The following TMEM132C variants were observed in gnomAD, a reference collection of about 807,000 sequenced individuals.
The protein encoded by TMEM132C is transmembrane protein 132C.
A neutral mutation model predicts 61.4 loss-of-function variants in TMEM132C; 29 were observed. That is an observed-to-expected ratio of 0.47 (90% CI 0.35 to 0.64). The LOEUF (loss-of-function observed/expected upper bound fraction) is 0.64. Ranked by LOEUF, TMEM132C falls within the 30% of genes least tolerant of loss-of-function variation. The pLI is 0.00. For missense variants in TMEM132C, 1,408 were observed against 1,476.9 expected, an observed-to-expected ratio of 0.95 and a Z score of 0.76; for synonymous variants, 656 against 633.1, an observed-to-expected ratio of 1.04 and a Z score of -0.54.
chr12:128,687,919 C>T (rs376009070), intron 5 of TMEM132C, among the ~76,000 whole-genome samples: 8 of 152,176 alleles, frequency 5.3e-5, no homozygotes, highest in South Asian at 2.1e-4. Context: ...CATGCTTTCC[C>T]GGCTCACACT....
chr12:128,347,418 T>TCTCTCTCTCTCTCTCTCTCTCTCTCTCC (rs1565908129), intron 1 of TMEM132C, among the ~76,000 whole-genome samples: 6 of 149,188 alleles, frequency 4.0e-5, no homozygotes, highest in African/African-American at 1.5e-4. Context: ...TCTCTCTCTC[T>TCTCTCTCTCTCTCTCTCTCTCTCTCTCC]CTCTCTCTCT....
chr12:128,578,014 T>G (rs1320401925), intron 3 of TMEM132C, among the ~76,000 whole-genome samples: 3 of 152,080 alleles, frequency 2.0e-5, no homozygotes, highest in East Asian at 1.9e-4. Flanking sequence ...ATTAACTCAT[T>G]TTTTTCTTCT....
At position 128,353,996 on chromosome 12, in the gene TMEM132C, G is replaced by A. The variant is rs116898484; in HGVS notation, c.86-60736G>A. 9.8e-3 allele frequency among the ~76,000 whole-genome samples: 1,491 copies of A among 152,318 alleles called. 14 individuals carry two copies. The highest frequency in any genetic ancestry group is 0.016 in the Non-Finnish European group (1,075 of 68,030). ...TCAGGTAATTTAAAAGCTGGATGCTGTAATGATGTTTCTGTATAAATGTAA... is the reference window on the plus strand; with the variant it reads ...TCAGGTAATTTAAAAGCTGGATGCTATAATGATGTTTCTGTATAAATGTAA... On this transcript the variant is annotated intron_variant, in intron 1 of 8. Coordinates refer to ENST00000435159, the MANE Select transcript of TMEM132C (RefSeq NM_001136103.3).
At chr12:128,698,448 G>T (rs911693856) in intron 8 of TMEM132C, among the ~76,000 whole-genome samples, 3 of 152,206 alleles carry the variant, frequency 2.0e-5, no homozygotes, top group African/African-American at 7.2e-5. Context: ...GGCCCAGATG[G>T]TATCACAGCT....
At position 128,278,955 on chromosome 12, in the gene TMEM132C, A is replaced by T. The variant is rs1337788762; in HGVS notation, c.85+11468A>T. Among the ~76,000 whole-genome samples the T allele has an allele frequency of 6.6e-6, 1 of 152,170 alleles. No individual in the cohort carries two copies. The highest frequency in any genetic ancestry group is 1.5e-5 in the Non-Finnish European group (1 of 68,024). ...ACAGCATTTGGACGTGAACTGCAACATTAGGTCTTCCTTGGGTCTCCAGCC... is the reference window on the plus strand; with the variant it reads ...ACAGCATTTGGACGTGAACTGCAACTTTAGGTCTTCCTTGGGTCTCCAGCC... On this transcript the variant is annotated intron_variant, in intron 1 of 8. Transcript: ENST00000435159. The surrounding 1 kb of genome is among the most constrained non-coding windows in gnomAD (Gnocchi z 4.2).
chr12:128,570,993 G>A lies in TMEM132C; in HGVS notation c.1121+26890G>A, dbSNP rs1431750790. Among the ~76,000 whole-genome samples, 1 of 152,224 alleles carries A rather than the reference G, an allele frequency of 6.6e-6. No individual in the cohort carries two copies. Among genetic ancestry groups the A allele is most frequent in the Non-Finnish European group, 1.5e-5 (1 of 68,042 alleles). ...GTTAGCAAGAAAGAAGAAAAGGATGGATGTCAGGGAAGCAACCAACAGTGG... is the reference window on the plus strand; with the variant it reads ...GTTAGCAAGAAAGAAGAAAAGGATGAATGTCAGGGAAGCAACCAACAGTGG... On this transcript the variant is annotated intron_variant, in intron 3 of 8. Transcript: ENST00000435159. The surrounding 1 kb of genome is among the most constrained non-coding windows in gnomAD (Gnocchi z 4.7).
intron 1 of TMEM132C, among the ~76,000 whole-genome samples, chr12:128,383,184 G>A (rs562225086): frequency 1.2e-3 from 183 of 152,172 alleles, no homozygotes; most frequent in African/African-American, 4.0e-3. Flanking sequence ...CAGTGTGTGC[G>A]CATGTGCACC....
intron 5 of TMEM132C, among the ~76,000 whole-genome samples, chr12:128,684,150 C>G (rs768864679): frequency 2.4e-4 from 37 of 152,196 alleles, no homozygotes; most frequent in South Asian, 4.2e-4. Context: ...ATTTATTGCT[C>G]ACAATTATTT....
intron 3 of TMEM132C, among the ~76,000 whole-genome samples, chr12:128,589,521 A>T (rs1029538066): frequency 4.8e-5 from 1 of 20,802 alleles, no homozygotes; most frequent in African/African-American, 1.8e-4. Context: ...ACAGCCCCCC[A>T]CCCCCTTATA....
At chr12:128,669,972 T>C (rs1954515477) in intron 5 of TMEM132C, among the ~76,000 whole-genome samples, 1 of 152,330 alleles carries the variant, frequency 6.6e-6, no homozygotes, top group South Asian at 2.1e-4. Flanking sequence ...ATAATTAACA[T>C]ATGCATAACC....
rs910373513 is a variant in TMEM132C at position 128,523,676 on chromosome 12, G to T, written c.975-20281G>T. On this transcript the variant is annotated intron_variant, in intron 2 of 8. Transcript: ENST00000435159. ...ATGTTCTTTCCCTATTACCATGTCA[G>T]AAAAATCTGTAAAAAAATAAACAAA... 2.0e-5 allele frequency among the ~76,000 whole-genome samples: 3 copies of T among 151,990 alleles called. No individual in the cohort carries two copies. In the East Asian group the frequency reaches 5.8e-4, roughly 29 times the overall value.
At chr12:128,596,616 C>G (rs1189287378) in intron 3 of TMEM132C, among the ~76,000 whole-genome samples, 1 of 150,090 alleles carries the variant, frequency 6.7e-6, no homozygotes, top group East Asian at 2.0e-4. Flanking sequence ...TTCACTGATC[C>G]CATGTCCTCT....
intron 1 of TMEM132C, among the ~76,000 whole-genome samples, chr12:128,344,002 ATCT>A (rs886848307): frequency 9.2e-5 from 14 of 152,082 alleles, no homozygotes; most frequent in Admixed American, 3.3e-4. Context: ...TGACTGGGTA[ATCT>A]TCTATTATAT....
intron 1 of TMEM132C, among the ~76,000 whole-genome samples, chr12:128,347,397 GTCTCTCTCTC>G (rs55729184): frequency 0.018 from 2,437 of 135,486 alleles, 82 homozygotes; most frequent in African/African-American, 0.058. Context: ...GCATATGTAT[GTCTCTCTCTC>G]TCTCTCTCTC....
chr12:128,355,940 C>G (rs1048769809), intron 1 of TMEM132C, among the ~76,000 whole-genome samples: 2 of 152,094 alleles, frequency 1.3e-5, no homozygotes, highest in Admixed American at 6.6e-5. Flanking sequence ...CATCCTGTCA[C>G]GGTGTATTTT....
At chr12:128,497,836 G>T (rs1872022690) in intron 2 of TMEM132C, among the ~76,000 whole-genome samples, 1 of 152,074 alleles carries the variant, frequency 6.6e-6, no homozygotes, top group Admixed American at 6.6e-5. Context: ...CCACTGTCCT[G>T]CCCCCAATGT....
chr12:128,512,589 A>T (rs1872600631), intron 2 of TMEM132C, among the ~76,000 whole-genome samples: 1 of 152,248 alleles, frequency 6.6e-6, no homozygotes, highest in African/African-American at 2.4e-5. Flanking sequence ...TTCAACAGAT[A>T]GCCTTGTGGA....
rs1003648829 is a variant in TMEM132C, at chr12:128,358,751, T to C, written c.86-55981T>C. ...GACGATGTCTCATACCCAGGCAATA[T>C]GTAGGCCTAAAGAACATTTAAAAGA... is the stretch of plus-strand genomic sequence containing the variant. On this transcript the variant is annotated intron_variant, in intron 1 of 8. Coordinates refer to ENST00000435159, the MANE Select transcript of TMEM132C (RefSeq NM_001136103.3). 3.3e-5 allele frequency among the ~76,000 whole-genome samples: 5 copies of C among 152,166 alleles called. 1 individual carries two copies. The South Asian group carries it at 6.2e-4, about 19-fold the overall frequency.
chr12:128,617,974 G>A (rs1876868225), intron 4 of TMEM132C, among the ~76,000 whole-genome samples: 1 of 152,224 alleles, frequency 6.6e-6, no homozygotes, highest in African/African-American at 2.4e-5. Flanking sequence ...CACCATGCAA[G>A]CTAAGAATGG....
Sources: allele counts gnomAD v4.1 joint callset (sites outside exome capture counted in the v4.1 genomes callset), GRCh38; gene constraint gnomAD v4.1.1; non-coding constraint Gnocchi (gnomAD v3.1); transcripts MANE v1.5; gene names NCBI Gene and HGNC (gene_info 2026-07-23, HGNC 2026-07-21).